Variants in COMMD1 observed in about 807,000 individuals in gnomAD.
The protein encoded by COMMD1 is copper metabolism domain containing 1.
In COMMD1, 10 loss-of-function variants were observed where a neutral mutation model predicts 17.2. That is an observed-to-expected ratio of 0.58 (90% CI 0.36 to 0.99). COMMD1 has a LOEUF of 0.99. COMMD1 is among the 50% of genes least tolerant of loss of function. COMMD1 has a pLI of 0.01. For synonymous variants in COMMD1, 97 were observed against 91.6 expected (o/e 1.06, Z -0.34); for missense variants, 270 against 231.8 (o/e 1.17, Z -1.07).
chr2:61,931,733 C>T (rs1195585152), intron 1 of COMMD1, among the ~76,000 whole-genome samples: 1 of 152,182 alleles, frequency 6.6e-6, no homozygotes, highest in African/African-American at 2.4e-5. Flanking sequence ...GGGCTCACTG[C>T]TACTTGACAT....
chr2:61,983,773 C>G (rs780197449), intron 1 of COMMD1, among the ~76,000 whole-genome samples: 3 of 151,950 alleles, frequency 2.0e-5, no homozygotes, highest in Non-Finnish European at 4.4e-5. Flanking sequence ...TTTATCTTTT[C>G]AAAAAACCAA....
chr2:62,060,026 A>G (rs1670815510), intron 2 of COMMD1, among the ~76,000 whole-genome samples: 3 of 152,194 alleles, frequency 2.0e-5, no homozygotes, highest in East Asian at 3.9e-4. Context: ...TACAATATAC[A>G]TTCTTAACGT....
intron 1 of COMMD1, among the ~76,000 whole-genome samples, chr2:61,899,418 C>G (rs907579282): frequency 6.6e-6 from 1 of 152,168 alleles, no homozygotes; most frequent in East Asian, 1.9e-4. Flanking sequence ...AATATAAAAG[C>G]ATTTAAGTGT....
Position 61,932,109 on chromosome 2 carries a change from A to G in COMMD1, c.180+26251A>G, listed in dbSNP as rs1192153290. 2.0e-5 allele frequency among the ~76,000 whole-genome samples: 3 copies of G among 152,084 alleles called. No homozygotes were observed. In the South Asian group the frequency reaches 6.2e-4, roughly 32 times the overall value. On this transcript the variant is annotated intron_variant, in intron 1 of 2. Coordinates refer to ENST00000311832, the MANE Select transcript of COMMD1 (RefSeq NM_152516.4). ...TGCTGTCCTCAATTGACACCCCTAC[A>G]TTGGCCTCCCAAAGTGCTGGGATTA... is the stretch of plus-strand genomic sequence containing the variant.
At chr2:61,932,405 GA>G (rs1334555958) in intron 1 of COMMD1, among the ~76,000 whole-genome samples, 11 of 152,328 alleles carry the variant, frequency 7.2e-5, no homozygotes, top group Admixed American at 3.9e-4. Context: ...GAGCTCAAAT[GA>G]GATGTGTAAA....
intron 2 of COMMD1, among the ~76,000 whole-genome samples, chr2:62,106,670 G>A (rs377762738): frequency 1.3e-5 from 2 of 152,340 alleles, no homozygotes; most frequent in African/African-American, 2.4e-5. Flanking sequence ...ACGTATAGAC[G>A]TAGGGAAGCT....
intron 2 of COMMD1, among the ~76,000 whole-genome samples, chr2:62,008,744 A>G (rs1240207113): frequency 1.3e-5 from 2 of 152,140 alleles, no homozygotes; most frequent in Non-Finnish European, 2.9e-5. Flanking sequence ...CAGCTTGAAG[A>G]TACTTAAATC....
At chr2:61,991,571 G>A (rs757687696) in intron 1 of COMMD1, among the ~76,000 whole-genome samples, 93 of 152,300 alleles carry the variant, frequency 6.1e-4, no homozygotes, top group Non-Finnish European at 9.3e-4. Flanking sequence ...ATTTTTGGAA[G>A]AGAAAGGGGC....
At chr2:61,946,815 G>A (rs1392274945) in intron 1 of COMMD1, among the ~76,000 whole-genome samples, 1 of 150,792 alleles carries the variant, frequency 6.6e-6, no homozygotes, top group Non-Finnish European at 1.5e-5. Context: ...TCAGGTTTTT[G>A]TCCTTTTCTC....
intron 2 of COMMD1, among the ~76,000 whole-genome samples, chr2:62,089,952 G>A (rs1671776298): frequency 6.6e-6 from 1 of 152,138 alleles, no homozygotes; most frequent in African/African-American, 2.4e-5. Flanking sequence ...CACTAGGAAG[G>A]CTCATTCCTA....
At chr2:61,921,449 T>G (rs1233423421) in intron 1 of COMMD1, among the ~76,000 whole-genome samples, 2 of 152,114 alleles carry the variant, frequency 1.3e-5, no homozygotes, top group Non-Finnish European at 2.9e-5. Flanking sequence ...TTTGTTTTTG[T>G]TTTTGTTTTT....
chr2:62,095,900 C>A (rs1482100136), intron 2 of COMMD1, among the ~76,000 whole-genome samples: 1 of 136,518 alleles, frequency 7.3e-6, no homozygotes, highest in Non-Finnish European at 1.6e-5. Context: ...TATATATAAT[C>A]CTGTGTGTAT....
intron 2 of COMMD1, among the ~76,000 whole-genome samples, chr2:62,135,512 T>C (rs933330665): frequency 1.3e-5 from 2 of 152,078 alleles, no homozygotes; most frequent in Non-Finnish European, 2.9e-5. Flanking sequence ...CAACTGCGCC[T>C]GGCTAATTTT....
At chr2:62,113,674 G>A (rs757191750) in intron 2 of COMMD1, among the ~76,000 whole-genome samples, 3 of 152,178 alleles carry the variant, frequency 2.0e-5, no homozygotes, top group Non-Finnish European at 4.4e-5. Context: ...ATGAGCCACT[G>A]TGCTGCCTGG....
At chr2:61,893,034 A>G (rs1180474652) in intron 1 of COMMD1, among the ~76,000 whole-genome samples, 1 of 151,710 alleles carries the variant, frequency 6.6e-6, no homozygotes, top group Non-Finnish European at 1.5e-5. Flanking sequence ...TGGTCGGCTA[A>G]TTTTGTATTT....
chr2:62,113,210 G>A (rs774805362), intron 2 of COMMD1, among the ~76,000 whole-genome samples: 1 of 151,820 alleles, frequency 6.6e-6, no homozygotes, highest in Admixed American at 6.6e-5. Context: ...AAATTAGCTG[G>A]ATGTCGTGGT....
chr2:62,032,214 G>A (rs762193287), intron 2 of COMMD1, among the ~76,000 whole-genome samples: 10 of 152,148 alleles, frequency 6.6e-5, no homozygotes, highest in Non-Finnish European at 1.5e-4. Context: ...CACAGGAAGA[G>A]TTACTTCAAA....
At chr2:61,908,210 C>T in intron 1 of COMMD1, among the ~76,000 whole-genome samples, 1 of 151,648 alleles carries the variant, frequency 6.6e-6, no homozygotes, top group East Asian at 1.9e-4. Flanking sequence ...ACATTCAGTT[C>T]CAATCTTTAT....
chr2:62,010,036 A>G (rs1286127950), intron 2 of COMMD1, among the ~76,000 whole-genome samples: 2 of 152,174 alleles, frequency 1.3e-5, no homozygotes, highest in African/African-American at 4.8e-5. Flanking sequence ...CATAAGGATT[A>G]TAATAAGTGA....
Sources: allele counts gnomAD v4.1 joint callset (sites outside exome capture counted in the v4.1 genomes callset), GRCh38; gene constraint gnomAD v4.1.1; transcripts MANE v1.5; gene names NCBI Gene and HGNC (gene_info 2026-07-23, HGNC 2026-07-21).